NOMO1: variants seen among roughly 807,000 people sequenced by gnomAD.
NOMO1 encodes the protein NODAL modulator 1.
Under a neutral mutation model 133.8 loss-of-function variants are expected in NOMO1, and 40 were observed. The observed-to-expected ratio is 0.30, with a 90% CI of 0.23 to 0.39. The LOEUF is 0.39. Ranked by LOEUF, NOMO1 falls within the 10% of genes least tolerant of loss-of-function variation. NOMO1 has a pLI of 1.00. For missense variants in NOMO1, 462 were observed against 1,419.9 expected (o/e 0.33, Z 10.84); for synonymous variants, 236 against 570.5 (o/e 0.41, Z 8.36).
chr16:14,860,534 A>G (rs1347270807), intron 11 of NOMO1, among the ~76,000 whole-genome samples: 1 of 151,360 alleles, frequency 6.6e-6, no homozygotes, highest in Non-Finnish European at 1.5e-5. Flanking sequence ...TCTGGAGGAG[A>G]TATGGTAGTG....
At chr16:14,842,023 C>T (rs1378968082) in intron 3 of NOMO1, among the ~76,000 whole-genome samples, 2 of 152,116 alleles carry the variant, frequency 1.3e-5, no homozygotes, top group South Asian at 2.1e-4. Context: ...TTAGCAAGTA[C>T]TCAGTATTCA....
chr16:14,864,948 A>T (rs1358502774), intron 13 of NOMO1, 76 bp from the exon 14 acceptor site: 1 of 1,607,872 alleles, frequency 6.2e-7, no homozygotes, highest in Non-Finnish European at 8.5e-7. Context: ...AGAAGCTATT[A>T]CATAGGGTTA....
At chr16:14,835,680 A>G (rs1963495486) in intron 1 of NOMO1, among the ~76,000 whole-genome samples, 2 of 151,826 alleles carry the variant, frequency 1.3e-5, no homozygotes, top group South Asian at 2.1e-4. Flanking sequence ...GACATTTCAT[A>G]CTGGCCATCT....
At chr16:14,853,716 C>T (rs1343076738) in intron 8 of NOMO1, 112 bp downstream of exon 8, 5 of 1,058,042 alleles carry the variant, frequency 4.7e-6, no homozygotes, top group Non-Finnish European at 7.2e-6. Context: ...GTTCTCTGAA[C>T]ACGCTGTTAA....
rs561162150 is a variant in NOMO1, at chr16:14,876,508, G to A, written c.2506G>A (p.Gly836Ser). ...GATCACAGTCTTTACTGATGACAAAGGTGCCTACAGGTGAGCCCGGGATAG... is the reference window on the plus strand; with the variant it reads ...GATCACAGTCTTTACTGATGACAAAAGTGCCTACAGGTGAGCCCGGGATAG... ...PLITVFTDDK[G>S]AYSVGPLHSD... Residue 836 changes from glycine to serine, a missense_variant, in exon 21 of 31, where the codon GGT (glycine) becomes AGT (serine). Coordinates refer to ENST00000287667, the MANE Select transcript of NOMO1 (RefSeq NM_014287.4). The A allele has an allele frequency of 6.2e-7, 1 of 1,611,558 alleles. No homozygotes were observed. Among genetic ancestry groups the A allele is most frequent in the Non-Finnish European group, 8.5e-7 (1 of 1,179,800 alleles).
chr16:14,850,662 A>T (rs1447846188), intron 6 of NOMO1, among the ~76,000 whole-genome samples: 2 of 151,396 alleles, frequency 1.3e-5, no homozygotes, highest in African/African-American at 4.9e-5. Context: ...TATCTGTTTT[A>T]TTATTATTTT....
chr16:14,871,555 A>T, intron 16 of NOMO1, 66 bp from the exon 17 acceptor site: 1 of 1,607,032 alleles, frequency 6.2e-7, no homozygotes, highest in Non-Finnish European at 8.5e-7. Context: ...TCGATTTCAG[A>T]TGTCGGAATT....
At chr16:14,839,145 C>A (rs1020724927) in intron 2 of NOMO1, among the ~76,000 whole-genome samples, 7 of 151,810 alleles carry the variant, frequency 4.6e-5, no homozygotes, top group African/African-American at 7.3e-5. Flanking sequence ...ACCTCCACCC[C>A]CCAGGTTCAA....
At chr16:14,866,454 C>A in intron 14 of NOMO1, 101 bp from the exon 15 acceptor site, 1 of 1,605,888 alleles carries the variant, frequency 6.2e-7, no homozygotes, top group Non-Finnish European at 8.5e-7. Flanking sequence ...TACACACCTG[C>A]TTTTTAAAAT....
intron 1 of NOMO1, among the ~76,000 whole-genome samples, chr16:14,834,569 C>G (rs1207106090): frequency 0.018 from 2,657 of 149,174 alleles, 1 homozygote; most frequent in African/African-American, 0.064. Context: ...ACCCTGGGGC[C>G]GGAAAGCTAT....
At chr16:14,853,098 C>T (rs1388562307) in intron 7 of NOMO1, 1 of 220,996 alleles carries the variant, frequency 4.5e-6, no homozygotes, top group Admixed American at 6.3e-5. Context: ...ATGGAAAGTA[C>T]ACAGGCTTTG....
chr16:14,860,731 G>A (rs896519818), intron 11 of NOMO1, among the ~76,000 whole-genome samples: 4 of 152,004 alleles, frequency 2.6e-5, no homozygotes, highest in African/African-American at 9.7e-5. Context: ...TTAAAGTAGA[G>A]TATTTGGGTC....
At chr16:14,861,925 G>T (rs1963927642) in intron 11 of NOMO1, among the ~76,000 whole-genome samples, 1 of 147,744 alleles carries the variant, frequency 6.8e-6, no homozygotes, top group African/African-American at 2.5e-5. Flanking sequence ...GGGGGTCCTT[G>T]GGTGGTAGTT....
chr16:14,866,513 G>A, intron 14 of NOMO1, 42 bp from the exon 15 acceptor site: 1 of 1,610,166 alleles, frequency 6.2e-7, no homozygotes, highest in Non-Finnish European at 8.5e-7. Context: ...GAGGTGGTGT[G>A]CTCCACGCCC....
intron 29 of NOMO1, among the ~76,000 whole-genome samples, chr16:14,892,609 T>TAA (rs757049459): frequency 1.9e-5 from 2 of 105,818 alleles, no homozygotes; most frequent in African/African-American, 3.6e-5. Context: ...AAAGTATAAT[T>TAA]AAAAAAAAAA....
intron 28 of NOMO1, among the ~76,000 whole-genome samples, chr16:14,887,652 C>G (rs1225851726): frequency 6.6e-6 from 1 of 152,034 alleles, no homozygotes; most frequent in Non-Finnish European, 1.5e-5. Context: ...CTAGGAAACG[C>G]CATGATTTAT....
rs536966233 is a variant in NOMO1, at chr16:14,884,537, G to C, written c.3222+55G>C. The C allele has an allele frequency of 4.7e-4, 759 of 1,609,536 alleles. 1 individual carries two copies. Among genetic ancestry groups the C allele is most frequent in the Non-Finnish European group, 5.8e-4 (689 of 1,178,332 alleles). On this transcript the variant is annotated intron_variant, in intron 27 of 30. Coordinates refer to ENST00000287667, the MANE Select transcript of NOMO1 (RefSeq NM_014287.4). Reference sequence around the variant, plus strand: ...TGTGTTCCCTTTGGCTTTGAGACAAGTACGAATGGGATGTTTTTGGGTTTG... The same window carrying C: ...TGTGTTCCCTTTGGCTTTGAGACAACTACGAATGGGATGTTTTTGGGTTTG...
At chr16:14,873,881 A>G (rs1276063699) in intron 18 of NOMO1, among the ~76,000 whole-genome samples, 1 of 151,648 alleles carries the variant, frequency 6.6e-6, no homozygotes, top group Non-Finnish European at 1.5e-5. Flanking sequence ...TGATTCAGAT[A>G]TGGCAGCTCC....
intron 6 of NOMO1, among the ~76,000 whole-genome samples, chr16:14,849,865 G>T (rs1215914783): frequency 6.9e-6 from 1 of 144,572 alleles, no homozygotes; most frequent in Non-Finnish European, 1.5e-5. Flanking sequence ...GGGATTACAG[G>T]TATAAACCAG....
Sources: allele counts gnomAD v4.1 joint callset (sites outside exome capture counted in the v4.1 genomes callset), GRCh38; gene constraint gnomAD v4.1.1; transcripts MANE v1.5; gene names NCBI Gene and HGNC (gene_info 2026-07-23, HGNC 2026-07-21).